DHPS: variants seen among roughly 807,000 people sequenced by gnomAD.
The protein encoded by DHPS is migration-inducing gene 13.
DHPS carries 24 observed loss-of-function variants against 38.7 expected under a neutral mutation model. The ratio of observed to expected loss-of-function variants is 0.62; its 90% confidence interval spans 0.45 to 0.87. The LOEUF (loss-of-function observed/expected upper bound fraction) is 0.87, where lower values mean the gene tolerates loss of function less well. Ranked by LOEUF, DHPS falls within the 40% of genes least tolerant of loss-of-function variation. The pLI, the probability that DHPS is intolerant of heterozygous loss-of-function variation, is 0.00. For missense variants in DHPS, 510 were observed against 497.6 expected (o/e 1.02, Z -0.24); for synonymous variants, 250 against 204.4 (o/e 1.22, Z -1.90).
chr19:12,678,524 C>T (rs2024690441), intron 5 of DHPS, among the ~76,000 whole-genome samples: 2 of 151,926 alleles, frequency 1.3e-5, no homozygotes, highest in Non-Finnish European at 2.9e-5. Flanking sequence ...AATCCCAGCA[C>T]TTTGGGAGGC....
intron 3 of DHPS, 25 bp from the exon 4 acceptor site, chr19:12,679,744 TCA>T (rs1453136609): frequency 2.5e-6 from 4 of 1,614,180 alleles, no homozygotes; most frequent in Non-Finnish European, 3.4e-6. Flanking sequence ...CATGTAGGCA[TCA>T]GGCCCCAGGA....
downstream of DHPS, chr19:12,675,610 A>G: frequency 6.2e-7 from 1 of 1,604,350 alleles, no homozygotes; most frequent in Non-Finnish European, 8.5e-7. Context: ...GCTGACCGCC[A>G]TGGGAGGCAG....
chr19:12,680,376 C>T (rs375501286), intron 1 of DHPS, 51 bp from the exon 2 acceptor site: 3 of 1,603,564 alleles, frequency 1.9e-6, no homozygotes, highest in Non-Finnish European at 2.6e-6. Context: ...ATCCCAGACT[C>T]AGGACTCCAG....
chr19:12,674,180 CT>C (rs1297197493), downstream of DHPS, among the ~76,000 whole-genome samples: 3 of 152,222 alleles, frequency 2.0e-5, no homozygotes, highest in African/African-American at 7.2e-5. Context: ...GCACTGACCC[CT>C]GGGCAAGGGG....
rs2024729106 is a variant in DHPS, at chr19:12,679,555, T to C, written c.592-12A>G. The C allele has an allele frequency of 6.2e-7, 1 of 1,614,146 alleles. No homozygotes were observed. Among genetic ancestry groups the C allele is most frequent in the African/African-American group, 1.3e-5 (1 of 75,032 alleles). ...GTCCACTTTACACCCTAGGAGAGGA[T>C]GTGACCTTCAGGCCATGCCTCCCCT... On this transcript the variant is annotated splice_polypyrimidine_tract_variant and intron_variant, in intron 4 of 8. Transcript: ENST00000210060.
At chr19:12,678,596 C>G (rs887874273) in intron 5 of DHPS, among the ~76,000 whole-genome samples, 1 of 151,300 alleles carries the variant, frequency 6.6e-6, no homozygotes, top group African/African-American at 2.4e-5. Flanking sequence ...ATGGTGAAAC[C>G]CCATCTGTAG....
Position 12,679,809 on chromosome 19 carries a change from C to T in DHPS, c.486G>A (p.Gly162=). ...CCACTCAGGGTTCTCACCTATTGAT[C>T]CCGTTCTCCCGGAGCTCCTTCCCCC... ...SLRGKELREN[G]INRIGNLLVP... Residue 162 remains glycine (G), a synonymous_variant, in exon 3 of 9, where the codon GGG becomes GGA. Coordinates refer to ENST00000210060, the MANE Select transcript of DHPS (RefSeq NM_001930.4). 2 of 1,614,118 alleles carry T rather than the reference C, an allele frequency of 1.2e-6. No individual in the cohort carries two copies. The highest frequency in any genetic ancestry group is 1.1e-5 in the South Asian group (1 of 91,064).
chr19:12,681,034 A>AT, intron 1 of DHPS: 1 of 851,418 alleles, frequency 1.2e-6, no homozygotes, highest in Non-Finnish European at 1.6e-6. Flanking sequence ...GGGTTTCACC[A>AT]TGTTGGCCAG....
Position 12,679,719 on chromosome 19 carries a change from C to G in DHPS, c.495G>C (p.Arg165Ser). 1 of 1,614,204 alleles carries G rather than the reference C, an allele frequency of 6.2e-7. No individual in the cohort carries two copies. The highest frequency in any genetic ancestry group is 8.5e-7 in the Non-Finnish European group (1 of 1,180,042). Residue 165 changes from arginine (R) to serine (S), a missense_variant and splice_region_variant, in exon 4 of 9, where the codon AGG (arginine) becomes AGC (serine). By Grantham distance (110) the Arg-to-Ser change is moderately radical. Transcript: ENST00000210060. The stretch of plus-strand genomic sequence containing the variant: ...CATTGGGCACCAGCAGGTTTCCGAT[C>G]CTGAGAACAGGAGGCATGTAGGCAT... ...GKELRENGIN[R>S]IGNLLVPNEN...
At chr19:12,676,297 C>A (rs2024585667) in intron 7 of DHPS, 155 bp from the exon 8 acceptor site, 1 of 980,308 alleles carries the variant, frequency 1.0e-6, no homozygotes, top group South Asian at 1.8e-5. Context: ...ATGTCAATGT[C>A]TGGGGTCACT....
Position 12,675,755 on chromosome 19 carries a change from G to C in DHPS, c.*83C>G. 6.4e-7 allele frequency: 1 copy of C among 1,568,160 alleles called. No homozygotes were observed. The highest frequency in any genetic ancestry group is 8.6e-7 in the Non-Finnish European group (1 of 1,156,394). On this transcript the variant is annotated 3_prime_UTR_variant, in exon 9 of 9. Coordinates refer to ENST00000210060, the MANE Select transcript of DHPS (RefSeq NM_001930.4). ...GATACCATCTTATTCTAGAGACGTA[G>C]CTGACCAAAAAGTAGGGGAGGGGCT...
At position 12,676,036 on chromosome 19, in the gene DHPS, A is replaced by C. The variant is rs1410469811; in HGVS notation, c.995T>G (p.Val332Gly). ...GCTTACCTTGACGGGCTGTGCATCC[A>C]CCCGGATCTTGCCCCAGGAGACAGC... Reference protein sequence around the residue: ...DEAVSWGKIRVDAQPVKVYAD... With the variant: ...DEAVSWGKIRGDAQPVKVYAD... Residue 332 changes from valine to glycine, a missense_variant, in exon 8 of 9, where the codon GTG becomes GGG. Val to Gly is a moderately radical substitution (Grantham distance 109). Coordinates refer to ENST00000210060, the MANE Select transcript of DHPS (RefSeq NM_001930.4). The C allele has an allele frequency of 1.2e-6, 2 of 1,613,892 alleles. No individual in the cohort carries two copies. The highest frequency in any genetic ancestry group is 2.2e-5 in the East Asian group (1 of 44,872).
rs181021849 is a variant in DHPS, at chr19:12,677,975, G to A, written c.679-579C>T. 6.0e-3 allele frequency among the ~76,000 whole-genome samples: 899 copies of A among 149,452 alleles called. 11 individuals are homozygous for A. Among genetic ancestry groups the A allele is most frequent in the African/African-American group, 0.021 (856 of 40,772 alleles). Reference sequence around the variant, plus strand: ...TTTTTTAAAGAGCCAGCTTGTGGCCGGGCGCGGTGGCTCACGCTTGTAATC... The same window carrying A: ...TTTTTTAAAGAGCCAGCTTGTGGCCAGGCGCGGTGGCTCACGCTTGTAATC... On this transcript the variant is annotated intron_variant, in intron 5 of 8. Coordinates refer to ENST00000210060, the MANE Select transcript of DHPS (RefSeq NM_001930.4).
chr19:12,672,617 GGAA>G (rs1599370888), downstream of DHPS: 2 of 563,346 alleles, frequency 3.6e-6, no homozygotes, highest in East Asian at 5.9e-5. Flanking sequence ...TCAAACAAAA[GGAA>G]GAAAAGGGGG....
At chr19:12,672,566 C>T (rs1317347578), downstream of DHPS, 1 of 454,748 alleles carries the variant, frequency 2.2e-6, no homozygotes, top group South Asian at 2.2e-5. Flanking sequence ...CAAGATCATG[C>T]CATTGCACTC....
chr19:12,680,432 G>C (rs2145367502), intron 1 of DHPS, 107 bp from the exon 2 acceptor site: 2 of 1,206,664 alleles, frequency 1.7e-6, no homozygotes, highest in South Asian at 1.3e-5. Context: ...CACATTCAGG[G>C]ATACAGGACC....
downstream of DHPS, chr19:12,672,810 T>A (rs1158681399): frequency 6.4e-7 from 1 of 1,553,666 alleles, no homozygotes; most frequent in Non-Finnish European, 8.7e-7. Flanking sequence ...CATGTGAGTG[T>A]AGTCAAGGTT....
intron 5 of DHPS, 127 bp from the exon 6 acceptor site, chr19:12,677,523 C>T (rs2024649988): frequency 2.8e-6 from 2 of 724,890 alleles, no homozygotes; most frequent in Non-Finnish European, 2.3e-6. Context: ...ATAAGCATAA[C>T]AGAAACACCT....
chr19:12,679,508 C>A lies in DHPS; in HGVS notation c.627G>T (p.Arg209=). 1 of 1,614,164 alleles carries A rather than the reference C, an allele frequency of 6.2e-7. No individual in the cohort carries two copies. Among genetic ancestry groups the A allele is most frequent in the African/African-American group, 1.3e-5 (1 of 75,032 alleles). The change falls in exon 5 of 9, where the codon CGG becomes CGT. Residue 209 remains arginine (R), a synonymous_variant. Transcript: ENST00000210060. The stretch of plus-strand genomic sequence containing the variant: ...CTGGGTTGTTGATCTCCTTGCCCAG[C>A]CGGGCGATCATCTTAGAAGGCGTCC... The part of the protein sequence containing the change: ...VKWTPSKMIA[R]LGKEINNPES...
Sources: allele counts gnomAD v4.1 joint callset (sites outside exome capture counted in the v4.1 genomes callset), GRCh38; gene constraint gnomAD v4.1.1; transcripts MANE v1.5; gene names NCBI Gene and HGNC (gene_info 2026-07-23, HGNC 2026-07-21).